CXCL13: variants seen among roughly 807,000 people sequenced by gnomAD.
CXCL13 encodes C-X-C motif chemokine 13.
CXCL13 carries 7 observed loss-of-function variants against 12.2 expected under a neutral mutation model. The ratio of observed to expected loss-of-function variants is 0.57; its 90% CI spans 0.33 to 1.07. The LOEUF (loss-of-function observed/expected upper bound fraction) is 1.07. Among genes scored for constraint, CXCL13 ranks in the 50% least tolerant of loss-of-function variants. CXCL13 has a pLI of 0.04. For synonymous variants in CXCL13, 47 were observed against 42.4 expected, an observed-to-expected ratio of 1.11 and a Z score of -0.42; for missense variants, 113 against 127.4, an observed-to-expected ratio of 0.89 and a Z score of 0.55.
chr4:77,520,613 G>C lies in CXCL13; in HGVS notation c.-43+8825G>C, dbSNP rs542879181. On this transcript the variant is annotated intron_variant, in intron 1 of 4. Transcript: ENST00000286758. ...TTGCTTATCAGCTTAAGGAGATTTT[G>C]GGCTGAGACAATGGGGTTTTCTAAA... Among the ~76,000 whole-genome samples the C allele has an allele frequency of 2.4e-3, 364 of 152,236 alleles. 2 individuals carry two copies. The highest frequency in any genetic ancestry group is 8.1e-3 in the African/African-American group (335 of 41,540).
intron 1 of CXCL13, among the ~76,000 whole-genome samples, chr4:77,564,389 G>C (rs1455406914): frequency 6.6e-6 from 1 of 152,216 alleles, no homozygotes; most frequent in Non-Finnish European, 1.5e-5. Context: ...AGTTTGACTT[G>C]GAGCCAGCAG....
intron 1 of CXCL13, among the ~76,000 whole-genome samples, chr4:77,570,543 G>T (rs1726044958): frequency 6.6e-6 from 1 of 152,242 alleles, no homozygotes; most frequent in South Asian, 2.1e-4. Context: ...CGCCTCCTCT[G>T]CCTGGGTTCC....
rs61211634 is a variant in CXCL13, at chr4:77,541,914, G to T, written c.-43+30126G>T. ...CAGGCGGTGTTTTCTAGTTCTCCTTGTAGAGATCTTTCACCTACTTGGTTA... is the reference window on the plus strand; with the variant it reads ...CAGGCGGTGTTTTCTAGTTCTCCTTTTAGAGATCTTTCACCTACTTGGTTA... On this transcript the variant is annotated intron_variant, in intron 1 of 4. Coordinates refer to the CXCL13 transcript ENST00000286758. 3.2e-4 allele frequency among the ~76,000 whole-genome samples: 49 copies of T among 152,174 alleles called. 2 individuals are homozygous for T. The East Asian group carries it at 9.1e-3, about 28-fold the overall frequency.
At chr4:77,554,078 A>G (rs1304647680) in intron 1 of CXCL13, among the ~76,000 whole-genome samples, 2 of 152,046 alleles carry the variant, frequency 1.3e-5, no homozygotes, top group Non-Finnish European at 2.9e-5. Context: ...TACACAATAA[A>G]ATTTATTTTT....
intron 1 of CXCL13, among the ~76,000 whole-genome samples, chr4:77,577,963 T>G (rs555673707): frequency 6.6e-6 from 1 of 152,146 alleles, no homozygotes; most frequent in Non-Finnish European, 1.5e-5. Context: ...TAATCATGTC[T>G]CCATACTATG....
chr4:77,564,470 G>C (rs1022871899), intron 1 of CXCL13, among the ~76,000 whole-genome samples: 1 of 152,208 alleles, frequency 6.6e-6, no homozygotes, highest in Admixed American at 6.5e-5. Context: ...TTCTGCATTA[G>C]GCAAACAAAC....
At chr4:77,559,718 C>T (rs924064657) in intron 1 of CXCL13, among the ~76,000 whole-genome samples, 1 of 151,888 alleles carries the variant, frequency 6.6e-6, no homozygotes, top group Non-Finnish European at 1.5e-5. Flanking sequence ...GTCAGGAGAT[C>T]GAGACCACCC....
chr4:77,579,955 A>G (rs1469373783), intron 1 of CXCL13, among the ~76,000 whole-genome samples: 1 of 152,198 alleles, frequency 6.6e-6, no homozygotes, highest in East Asian at 1.9e-4. Context: ...TATCATTCCT[A>G]ACCACAGGCC....
chr4:77,609,894 A>T (rs1399500555), intron 2 of CXCL13, among the ~76,000 whole-genome samples: 1 of 152,236 alleles, frequency 6.6e-6, no homozygotes, highest in Non-Finnish European at 1.5e-5. Context: ...ATTTAAATTC[A>T]CTGAGCCTAA....
intron 1 of CXCL13, among the ~76,000 whole-genome samples, chr4:77,516,107 C>T (rs551543975): frequency 3.8e-4 from 58 of 152,242 alleles, no homozygotes; most frequent in African/African-American, 1.3e-3. Flanking sequence ...TGCTGGATTA[C>T]ATTTATTGAT....
intron 1 of CXCL13, among the ~76,000 whole-genome samples, chr4:77,532,720 T>C (rs1303480550): frequency 6.6e-6 from 1 of 152,186 alleles, no homozygotes; most frequent in Non-Finnish European, 1.5e-5. Flanking sequence ...CGTAGTCCCA[T>C]ATTTCTTGGA....
chr4:77,513,415 C>T (rs1054261973), intron 1 of CXCL13, among the ~76,000 whole-genome samples: 2 of 151,974 alleles, frequency 1.3e-5, no homozygotes, highest in African/African-American at 2.4e-5. Flanking sequence ...AAAAGCATTC[C>T]TATTTCTCCA....
At chr4:77,564,897 G>T (rs565782404) in intron 1 of CXCL13, among the ~76,000 whole-genome samples, 1 of 152,208 alleles carries the variant, frequency 6.6e-6, no homozygotes, top group African/African-American at 2.4e-5. Context: ...CATTTCTTCA[G>T]GGGTAGGGGT....
chr4:77,528,407 G>A (rs1166653253), intron 1 of CXCL13, among the ~76,000 whole-genome samples: 1 of 152,170 alleles, frequency 6.6e-6, no homozygotes, highest in Non-Finnish European at 1.5e-5. Context: ...GTGTAAAAGT[G>A]TTCCTATTTC....
chr4:77,558,362 ATT>A (rs572831777), intron 1 of CXCL13, among the ~76,000 whole-genome samples: 1 of 148,024 alleles, frequency 6.8e-6, no homozygotes, highest in Non-Finnish European at 1.5e-5. Context: ...ACTACTTCTA[ATT>A]TTTTTTTTTA....
intron 1 of CXCL13, among the ~76,000 whole-genome samples, chr4:77,551,506 A>G (rs775522442): frequency 4.4e-4 from 67 of 152,154 alleles, no homozygotes; most frequent in Non-Finnish European, 8.8e-4. Context: ...GCCTTTGTAC[A>G]TGATCTGAGC....
At chr4:77,564,514 A>G (rs1379518628) in intron 1 of CXCL13, among the ~76,000 whole-genome samples, 1 of 152,208 alleles carries the variant, frequency 6.6e-6, no homozygotes, top group South Asian at 2.1e-4. Flanking sequence ...GATGATATCC[A>G]GCATTTACCA....
chr4:77,522,541 T>TTTTTTTTTTTTC (rs1724636418), intron 1 of CXCL13, among the ~76,000 whole-genome samples: 1 of 133,778 alleles, frequency 7.5e-6, no homozygotes. Flanking sequence ...TTTTTTTTTT[T>TTTTTTTTTTTTC]TTTGCTTTCC....
intron 1 of CXCL13, among the ~76,000 whole-genome samples, chr4:77,599,336 A>G (rs1726841214): frequency 6.6e-6 from 1 of 152,160 alleles, no homozygotes; most frequent in Non-Finnish European, 1.5e-5. Context: ...GTATACTTTA[A>G]ATCATCTCTA....
Sources: gnomAD v4.1 joint callset for allele counts (sites outside exome capture counted in the v4.1 genomes callset) on GRCh38, gnomAD v4.1.1 for gene constraint, MANE v1.5 for transcripts, NCBI Gene and HGNC (gene_info 2026-07-23, HGNC 2026-07-21) for gene names.